Variants in MCCC2 observed in about 807,000 individuals in gnomAD.
The protein encoded by MCCC2 is methylcrotonyl-CoA carboxylase subunit 2.
Under a neutral mutation model 77.2 loss-of-function variants are expected in MCCC2, and 52 were observed. The observed-to-expected ratio is 0.67, with a 90% CI of 0.54 to 0.85. The LOEUF is 0.85. Ranked by LOEUF, MCCC2 falls within the 40% of genes least tolerant of loss-of-function variation. MCCC2 has a pLI of 0.00. For synonymous variants in MCCC2, 253 were observed against 248.4 expected, an observed-to-expected ratio of 1.02 and a Z score of -0.18; for missense variants, 682 against 703.2, an observed-to-expected ratio of 0.97 and a Z score of 0.34.
Position 71,608,459 on chromosome 5 carries a change from C to T in MCCC2, c.624+3991C>T, listed in dbSNP as rs1265132424. Among the ~76,000 whole-genome samples, 4 of 142,874 alleles carry T rather than the reference C, an allele frequency of 2.8e-5. 1 individual carries two copies. The highest frequency in any genetic ancestry group is 1.1e-4 in the African/African-American group (4 of 37,982). The allele number at this position is 142,874 out of a possible 152,430, so 93.7% of individuals were successfully genotyped here. ...TCTTCCTCCATCCTTTTATTTTGAG[C>T]CTATGTGTGTCTCTGCACGTGAGAT... is the stretch of plus-strand genomic sequence containing the variant. On this transcript the variant is annotated intron_variant, in intron 6 of 16. Transcript: ENST00000340941.
At chr5:71,598,288 C>G in intron 3 of MCCC2, among the ~76,000 whole-genome samples, 1 of 151,790 alleles carries the variant, frequency 6.6e-6, no homozygotes, top group East Asian at 1.9e-4. Context: ...CCAGGATGGT[C>G]TCAATCTCTT....
intron 6 of MCCC2, among the ~76,000 whole-genome samples, chr5:71,621,740 G>A (rs1746354544): frequency 6.6e-6 from 1 of 151,846 alleles, no homozygotes; most frequent in South Asian, 2.1e-4. Flanking sequence ...ATTACCAGAG[G>A]CTGGGAATGG....
intron 6 of MCCC2, among the ~76,000 whole-genome samples, chr5:71,605,679 C>A (rs1353686002): frequency 1.3e-5 from 2 of 151,650 alleles, no homozygotes; most frequent in Non-Finnish European, 2.9e-5. Flanking sequence ...ATGGTAATGC[C>A]TAGGTTTTCT....
chr5:71,609,082 T>G (rs1212190849), intron 6 of MCCC2, among the ~76,000 whole-genome samples: 1 of 152,138 alleles, frequency 6.6e-6, no homozygotes, highest in African/African-American at 2.4e-5. Context: ...CTTTGTGGTG[T>G]TCTGTGTATT....
At chr5:71,628,541 T>C (rs1746609739) in intron 7 of MCCC2, among the ~76,000 whole-genome samples, 1 of 152,176 alleles carries the variant, frequency 6.6e-6, no homozygotes, top group African/African-American at 2.4e-5. Flanking sequence ...TGTGATCCAT[T>C]TTGAGTTAGT....
chr5:71,654,806 A>T (rs900417610), intron 16 of MCCC2, among the ~76,000 whole-genome samples: 2 of 152,038 alleles, frequency 1.3e-5, no homozygotes, highest in Non-Finnish European at 2.9e-5. Context: ...ATAAATGTTA[A>T]CAGACAGTAA....
intron 1 of MCCC2, among the ~76,000 whole-genome samples, chr5:71,590,569 C>T (rs1477705472): frequency 2.0e-5 from 3 of 152,260 alleles, no homozygotes; most frequent in Admixed American, 6.5e-5. Context: ...GTAATCCTAG[C>T]GCTTTGGGAG....
At chr5:71,646,336 G>A (rs1580329713) in intron 13 of MCCC2, 59 bp downstream of exon 13, 1 of 1,504,348 alleles carries the variant, frequency 6.6e-7, no homozygotes, top group Non-Finnish European at 9.2e-7. Flanking sequence ...CCATCAGTGT[G>A]GCTCATGTAT....
chr5:71,607,023 T>C (rs1172321278), intron 6 of MCCC2, among the ~76,000 whole-genome samples: 1 of 150,550 alleles, frequency 6.6e-6, no homozygotes, highest in Non-Finnish European at 1.5e-5. Context: ...TCAAGGATAT[T>C]GGTCTAAAAT....
At chr5:71,613,865 G>A in intron 6 of MCCC2, among the ~76,000 whole-genome samples, 1 of 151,828 alleles carries the variant, frequency 6.6e-6, no homozygotes, top group African/African-American at 2.4e-5. Context: ...TTCAGGTTTA[G>A]GGCTCATATA....
chr5:71,598,848 C>T (rs1745307107), intron 3 of MCCC2, among the ~76,000 whole-genome samples: 1 of 151,522 alleles, frequency 6.6e-6, no homozygotes, highest in Non-Finnish European at 1.5e-5. Flanking sequence ...GCCTCCTGGG[C>T]TCAAGTGATT....
At chr5:71,601,662 A>G (rs1745440481) in intron 4 of MCCC2, among the ~76,000 whole-genome samples, 1 of 152,174 alleles carries the variant, frequency 6.6e-6, no homozygotes, top group Admixed American at 6.5e-5. Flanking sequence ...GCAGGGATTT[A>G]ATGACTCACT....
chr5:71,630,785 G>A (rs1746682087), intron 7 of MCCC2, among the ~76,000 whole-genome samples: 1 of 151,814 alleles, frequency 6.6e-6, no homozygotes. Context: ...TTTTGTTTCA[G>A]GGCTCCCCTC....
At position 71,599,757 on chromosome 5, in the gene MCCC2, C is replaced by G. The variant is rs398124372; in HGVS notation, c.380C>G (p.Ser127Ter). ...GGIITGIGRV[S>*]GVECMIIAND... ...ATTATTACAGGCATTGGAAGAGTAT[C>G]AGGGTGAGTATTCTACTTGTGCTTC... The change falls in exon 4 of 17, where the codon TCA becomes TGA. Residue 127 changes from serine to a stop codon, truncating the protein, a stop_gained. Transcript: ENST00000340941. LOFTEE classifies it high-confidence loss of function. 1 of 1,612,210 alleles carries G rather than the reference C, an allele frequency of 6.2e-7. No individual in the cohort carries two copies. The highest frequency in any genetic ancestry group is 8.5e-7 in the Non-Finnish European group (1 of 1,178,246).
At chr5:71,620,995 G>C (rs896627981) in intron 6 of MCCC2, among the ~76,000 whole-genome samples, 28 of 152,168 alleles carry the variant, frequency 1.8e-4, no homozygotes, top group African/African-American at 6.8e-4. Context: ...TGTGATGTCT[G>C]TCCTGGTACA....
intron 6 of MCCC2, among the ~76,000 whole-genome samples, 188 bp from the exon 7 acceptor site, chr5:71,626,452 A>G (rs887420563): frequency 1.3e-5 from 2 of 152,216 alleles, no homozygotes; most frequent in Non-Finnish European, 2.9e-5. Flanking sequence ...AGCCCTTCAA[A>G]ATGTTTTGAT....
chr5:71,616,119 G>A (rs1357501063), intron 6 of MCCC2, among the ~76,000 whole-genome samples: 2 of 152,212 alleles, frequency 1.3e-5, no homozygotes, highest in African/African-American at 4.8e-5. Flanking sequence ...TTCCCACTCC[G>A]CGGGGACAGA....
intron 7 of MCCC2, among the ~76,000 whole-genome samples, chr5:71,627,990 C>T (rs1366766408): frequency 6.6e-6 from 1 of 152,002 alleles, no homozygotes; most frequent in East Asian, 1.9e-4. Flanking sequence ...ATTACAGGTG[C>T]ACGCCACCAC....
intron 1 of MCCC2, 129 bp from the exon 2 acceptor site, chr5:71,592,797 T>G (rs1580268653): frequency 1.4e-5 from 10 of 733,848 alleles, no homozygotes. Context: ...ACAGATGGGG[T>G]GGCCCAGTGT....
Sources: allele counts gnomAD v4.1 joint callset (sites outside exome capture counted in the v4.1 genomes callset), GRCh38; gene constraint gnomAD v4.1.1; transcripts MANE v1.5; gene names NCBI Gene and HGNC (gene_info 2026-07-23, HGNC 2026-07-21).